Variants in ZNF618 observed in about 807,000 individuals in gnomAD.
ZNF618 encodes the protein neural precursor cell expressed, developmentally down-regulated 10.
Under a neutral mutation model 103.0 loss-of-function variants are expected in ZNF618, and 34 were observed. That is an observed-to-expected ratio of 0.33 (90% CI 0.25 to 0.44). ZNF618 has a LOEUF of 0.44. ZNF618 is among the 20% of genes least tolerant of loss of function. ZNF618 has a pLI of 1.00. For synonymous variants in ZNF618, 551 were observed against 542.2 expected, an observed-to-expected ratio of 1.02 and a Z score of -0.23; for missense variants, 1,059 against 1,295.4, an observed-to-expected ratio of 0.82 and a Z score of 2.80.
rs539833780 is a variant in ZNF618, at chr9:113,925,526, G to T, written c.34-43591G>T. Among the ~76,000 whole-genome samples the T allele has an allele frequency of 1.5e-3, 220 of 150,794 alleles. 5 individuals are homozygous for T. Among genetic ancestry groups the T allele is most frequent in the Non-Finnish European group, 5.8e-4 (39 of 67,628 alleles). On this transcript the variant is annotated intron_variant, in intron 1 of 14. Transcript: ENST00000374126. ...ATTCACATTTAAAGTGATTGATATG[G>T]TATATTAATATTACCACATTTATAA...
chr9:113,955,803 T>C (rs1275966894), intron 1 of ZNF618, among the ~76,000 whole-genome samples: 3 of 152,206 alleles, frequency 2.0e-5, no homozygotes, highest in African/African-American at 7.2e-5. Flanking sequence ...TCTGGTCTTC[T>C]TTCTTCTTTG....
chr9:113,955,322 A>G (rs2132430615), intron 1 of ZNF618, among the ~76,000 whole-genome samples: 1 of 147,660 alleles, frequency 6.8e-6, no homozygotes, highest in Non-Finnish European at 1.5e-5. Flanking sequence ...CACACTGCAA[A>G]GAAAACAGAA....
At chr9:113,949,714 G>A (rs939951894) in intron 1 of ZNF618, among the ~76,000 whole-genome samples, 3 of 152,202 alleles carry the variant, frequency 2.0e-5, no homozygotes, top group African/African-American at 4.8e-5. Context: ...CACTGGCTCC[G>A]CCTGGGAAAA....
chr9:114,008,668 C>A, intron 9 of ZNF618, 114 bp downstream of exon 9: 2 of 1,209,824 alleles, frequency 1.7e-6, no homozygotes, highest in Non-Finnish European at 1.2e-6. Context: ...TTAACTGCAG[C>A]AATGGTGCCC....
At chr9:114,032,611 A>G (rs1844184085) in intron 11 of ZNF618, 34 bp from the exon 12 acceptor site, 1 of 1,605,558 alleles carries the variant, frequency 6.2e-7, no homozygotes, top group Non-Finnish European at 8.5e-7. Context: ...ACCAATCACC[A>G]TTGTTTTCTT....
chr9:113,974,180 A>C (rs1234103974), intron 2 of ZNF618, among the ~76,000 whole-genome samples: 1 of 152,240 alleles, frequency 6.6e-6, no homozygotes, highest in Non-Finnish European at 1.5e-5. Context: ...GGGAAAGCAG[A>C]AGAGATTGGG....
intron 12 of ZNF618, among the ~76,000 whole-genome samples, chr9:114,034,945 G>A (rs1001528361): frequency 6.6e-6 from 1 of 152,098 alleles, no homozygotes; most frequent in African/African-American, 2.4e-5. Context: ...CCGGAGGGAT[G>A]GCAGTGACTT....
chr9:113,908,076 C>T (rs1831154006), intron 1 of ZNF618, among the ~76,000 whole-genome samples: 1 of 151,994 alleles, frequency 6.6e-6, no homozygotes, highest in Admixed American at 6.5e-5. Flanking sequence ...ACAGTGACAC[C>T]CAGAGCCTCA....
chr9:114,018,914 C>T (rs1842850060), intron 10 of ZNF618, among the ~76,000 whole-genome samples: 1 of 152,156 alleles, frequency 6.6e-6, no homozygotes, highest in African/African-American at 2.4e-5. Flanking sequence ...CAAGAGATAG[C>T]TCCTGCAGTG....
chr9:113,892,379 T>C lies in ZNF618; in HGVS notation c.33+15966T>C, dbSNP rs963109587. On this transcript the variant is annotated intron_variant, in intron 1 of 14. Coordinates refer to ENST00000374126, the MANE Select transcript of ZNF618 (RefSeq NM_001318042.2). ...TAGGGAATATGACAAGGAAAAAGTCTGTACATGTTCTGTACGGATGCAGCA... is the reference window on the plus strand; with the variant it reads ...TAGGGAATATGACAAGGAAAAAGTCCGTACATGTTCTGTACGGATGCAGCA... 7.9e-5 allele frequency among the ~76,000 whole-genome samples: 12 copies of C among 152,230 alleles called. 1 individual carries two copies. Among genetic ancestry groups the C allele is most frequent in the African/African-American group, 2.9e-4 (12 of 41,462 alleles).
intron 3 of ZNF618, 124 bp downstream of exon 3, chr9:113,988,704 C>T (rs1176878873): frequency 2.2e-6 from 3 of 1,374,938 alleles, no homozygotes; most frequent in African/African-American, 2.9e-5. Flanking sequence ...GCTGGCTTCC[C>T]TCTGCATTCA....
chr9:113,914,865 G>A (rs144591107), intron 1 of ZNF618, among the ~76,000 whole-genome samples: 2 of 152,264 alleles, frequency 1.3e-5, no homozygotes, highest in Admixed American at 6.5e-5. Flanking sequence ...GTCAGTAGGA[G>A]CGAGCTTGAC....
At chr9:113,889,882 C>G (rs974151560) in intron 1 of ZNF618, among the ~76,000 whole-genome samples, 7 of 152,184 alleles carry the variant, frequency 4.6e-5, no homozygotes, top group Non-Finnish European at 1.0e-4. Flanking sequence ...ATAATGAGCT[C>G]GGAGGGAGAA....
chr9:113,901,028 T>A lies in ZNF618; in HGVS notation c.33+24615T>A, dbSNP rs34192904. Among the ~76,000 whole-genome samples the A allele has an allele frequency of 3.5e-4, 13 of 36,906 alleles. 1 individual carries two copies. The highest frequency in any genetic ancestry group is 3.2e-3 in the East Asian group (3 of 926). 24.2% of individuals were successfully genotyped at this position (36,906 alleles called of 152,430 possible). On this transcript the variant is annotated intron_variant, in intron 1 of 14. Coordinates refer to ENST00000374126, the MANE Select transcript of ZNF618 (RefSeq NM_001318042.2). ...GTCTCCTAGCACCGTCCTCTCGCGC[T>A]AACCCGACCTCCTGTCTCCTAGCAC...
intron 9 of ZNF618, among the ~76,000 whole-genome samples, chr9:114,009,448 T>C (rs560532799): frequency 1.3e-5 from 2 of 152,216 alleles, no homozygotes; most frequent in South Asian, 4.2e-4. Flanking sequence ...TTGATCCAAT[T>C]TGCATTTTAG....
chr9:114,039,630 C>A (rs956619818), intron 13 of ZNF618, among the ~76,000 whole-genome samples: 1 of 152,094 alleles, frequency 6.6e-6, no homozygotes, highest in Non-Finnish European at 1.5e-5. Context: ...GGATTACAGG[C>A]GTGAGCCACC....
At chr9:113,991,338 G>A (rs1840041714) in intron 3 of ZNF618, among the ~76,000 whole-genome samples, 1 of 152,248 alleles carries the variant, frequency 6.6e-6, no homozygotes, top group African/African-American at 2.4e-5. Flanking sequence ...GGCAGTGGAA[G>A]GAAACAGTGT....
At chr9:113,983,404 G>T (rs563921267) in intron 2 of ZNF618, among the ~76,000 whole-genome samples, 1 of 152,348 alleles carries the variant, frequency 6.6e-6, no homozygotes, top group Non-Finnish European at 1.5e-5. Flanking sequence ...GCGAGGGGAA[G>T]AGAAGGAAGT....
chr9:113,932,966 G>A (rs1255915521), intron 1 of ZNF618, among the ~76,000 whole-genome samples: 2 of 152,178 alleles, frequency 1.3e-5, no homozygotes, highest in African/African-American at 4.8e-5. Flanking sequence ...TAGGGAATAA[G>A]CCTCAGACTC....
Sources: gnomAD v4.1 joint callset for allele counts (sites outside exome capture counted in the v4.1 genomes callset) on GRCh38, gnomAD v4.1.1 for gene constraint, MANE v1.5 for transcripts, NCBI Gene and HGNC (gene_info 2026-07-23, HGNC 2026-07-21) for gene names.